L2HGDH: variants seen among roughly 807,000 people sequenced by gnomAD.
L2HGDH encodes the protein L-2-hydroxyglutarate dehydrogenase, mitochondrial.
A neutral mutation model predicts 51.5 loss-of-function variants in L2HGDH; 34 were observed. That is an observed-to-expected ratio of 0.66 (90% CI 0.50 to 0.88). L2HGDH has a LOEUF of 0.88. Among genes scored for constraint, L2HGDH ranks in the 40% least tolerant of loss-of-function variants. L2HGDH has a pLI of 0.00. For missense variants in L2HGDH, 558 were observed against 571.9 expected, an observed-to-expected ratio of 0.98 and a Z score of 0.25; for synonymous variants, 198 against 197.9, an observed-to-expected ratio of 1.00 and a Z score of -0.01.
intron 4 of L2HGDH, among the ~76,000 whole-genome samples, chr14:50,285,018 C>G (rs192235417): frequency 6.6e-6 from 1 of 152,292 alleles, no homozygotes. Flanking sequence ...GAGGCTGAGG[C>G]AGGCGGATCA....
rs1413761359 is a variant in L2HGDH, at chr14:50,283,989, A to G, written c.585T>C (p.Tyr195=). The G allele has an allele frequency of 6.2e-7, 1 of 1,614,208 alleles. No individual in the cohort carries two copies. Residue 195 remains tyrosine (Y), a synonymous_variant, in exon 5 of 10, where the codon TAT becomes TAC. Coordinates refer to ENST00000267436, the MANE Select transcript of L2HGDH (RefSeq NM_024884.3). The stretch of plus-strand genomic sequence containing the variant: ...GGGCAAATGACAAAGCCACCTGCCG[A>G]TAGTCCACAATGCCAGTATGTGGAC... The part of the protein sequence containing the change: ...IDCPHTGIVD[Y]RQVALSFAQD...
At chr14:50,282,416 C>T in intron 5 of L2HGDH, 3 of 455,668 alleles carry the variant, frequency 6.6e-6, no homozygotes, top group East Asian at 7.0e-5. Context: ...TTCTAACCAC[C>T]AATTTCTGGA....
At chr14:50,295,769 G>A (rs913856381) in intron 3 of L2HGDH, among the ~76,000 whole-genome samples, 3 of 124,504 alleles carry the variant, frequency 2.4e-5, no homozygotes, top group East Asian at 2.3e-4. Flanking sequence ...TTTTAATTTC[G>A]CTCTTGTCAC....
Position 50,304,141 on chromosome 14 carries a change from T to C in L2HGDH, c.141-1124A>G, listed in dbSNP as rs150696650. Among the ~76,000 whole-genome samples, 389 of 152,338 alleles carry C rather than the reference T, an allele frequency of 2.6e-3. 2 individuals are homozygous for C. In the Middle Eastern group the frequency reaches 0.061, roughly 24 times the overall value. Reference sequence around the variant, plus strand: ...CAAGCCTGTACAGCAGGTTACTATATTGAATACTGCAGGCAACTGTAACAC... The same window carrying C: ...CAAGCCTGTACAGCAGGTTACTATACTGAATACTGCAGGCAACTGTAACAC... On this transcript the variant is annotated intron_variant, in intron 1 of 9. Coordinates refer to ENST00000267436, the MANE Select transcript of L2HGDH (RefSeq NM_024884.3).
chr14:50,291,448 G>A (rs1196255237), intron 4 of L2HGDH, among the ~76,000 whole-genome samples: 2 of 152,074 alleles, frequency 1.3e-5, no homozygotes, highest in Non-Finnish European at 2.9e-5. Flanking sequence ...GGAGAGAAAT[G>A]GGAAGTAACA....
chr14:50,269,514 T>C (rs1566514617), intron 6 of L2HGDH, among the ~76,000 whole-genome samples, 184 bp from the exon 7 acceptor site: 2 of 152,174 alleles, frequency 1.3e-5, no homozygotes, highest in African/African-American at 2.4e-5. Flanking sequence ...AAACTTAGGA[T>C]AGTGGCATGT....
chr14:50,276,170 C>A (rs990722682), intron 6 of L2HGDH, among the ~76,000 whole-genome samples: 10 of 152,216 alleles, frequency 6.6e-5, no homozygotes, highest in Non-Finnish European at 1.5e-5. Flanking sequence ...TTACTGGAAA[C>A]TACCTCGACC....
Position 50,267,749 on chromosome 14 carries a change from T to A in L2HGDH, c.1064+4A>T. The stretch of plus-strand genomic sequence containing the variant: ...AAATCATTTTTAAAAATAAATAATG[T>A]TACCTATTGATAATTATATCCATAA... On this transcript the variant is annotated splice_donor_region_variant and intron_variant, in intron 8 of 9. Coordinates refer to ENST00000267436, the MANE Select transcript of L2HGDH (RefSeq NM_024884.3). The A allele has an allele frequency of 6.3e-7, 1 of 1,598,878 alleles. No individual in the cohort carries two copies. Among genetic ancestry groups the A allele is most frequent in the Non-Finnish European group, 8.6e-7 (1 of 1,166,608 alleles).
chr14:50,257,737 T>G (rs1888756218), intron 9 of L2HGDH, among the ~76,000 whole-genome samples: 1 of 151,846 alleles, frequency 6.6e-6, no homozygotes, highest in South Asian at 2.1e-4. Context: ...TTCCAACTAA[T>G]TTGCCTAGTT....
intron 9 of L2HGDH, among the ~76,000 whole-genome samples, chr14:50,258,073 TAAAA>T (rs3072729): frequency 3.5e-5 from 5 of 141,674 alleles, no homozygotes; most frequent in Non-Finnish European, 4.6e-5. Context: ...GTCAAAAAGT[TAAAA>T]AAAAAAAAAA....
intron 9 of L2HGDH, among the ~76,000 whole-genome samples, chr14:50,258,389 T>C (rs2139950159): frequency 6.6e-6 from 1 of 152,156 alleles, no homozygotes; most frequent in South Asian, 2.1e-4. Context: ...CTAATTGTTT[T>C]TTAAAAATAT....
intron 3 of L2HGDH, among the ~76,000 whole-genome samples, chr14:50,295,719 G>C (rs888001158): frequency 3.4e-5 from 5 of 148,032 alleles, no homozygotes; most frequent in Non-Finnish European, 7.4e-5. Flanking sequence ...ACTGAGTCCA[G>C]CCCTACAATT....
In L2HGDH at chr14:50,265,503, A is replaced by C. The variant is rs145656270; in HGVS notation, c.1065-14T>G. 5.8e-5 allele frequency: 94 copies of C among 1,608,972 alleles called. 1 individual carries two copies. In the African/African-American group the frequency reaches 1.0e-3, roughly 18 times the overall value. ...TTAATCAAGCCACTGAAAACAGAGA[A>C]AAAAAATCTTTATGAGAGAAAGGAA... On this transcript the variant is annotated splice_polypyrimidine_tract_variant and intron_variant, in intron 8 of 9. Coordinates refer to ENST00000267436, the MANE Select transcript of L2HGDH (RefSeq NM_024884.3).
chr14:50,278,406 T>G (rs1387692235), intron 6 of L2HGDH, 114 bp downstream of exon 6: 2 of 616,772 alleles, frequency 3.2e-6, no homozygotes, highest in Non-Finnish European at 5.3e-6. Context: ...TCTCTCAGAA[T>G]TACATTAGAC....
In L2HGDH at chr14:50,243,303, T is replaced by C; in HGVS notation, c.*3755A>G. On this transcript the variant is annotated 3_prime_UTR_variant, in exon 10 of 10. Transcript: ENST00000267436. ...TTAAAATCTAAAATGCTCCACTTTT[T>C]ACCCAAAATATAAATGACTCAACCT... 2 of 985,384 alleles carry C rather than the reference T, an allele frequency of 2.0e-6. No homozygotes were observed. The highest frequency in any genetic ancestry group is 2.4e-6 in the Non-Finnish European group (2 of 829,878). 61.0% of individuals were successfully genotyped at this position (985,384 alleles called of 1,614,324 possible).
At chr14:50,283,456 T>C (rs1890387794) in intron 5 of L2HGDH, among the ~76,000 whole-genome samples, 1 of 151,962 alleles carries the variant, frequency 6.6e-6, no homozygotes, top group Non-Finnish European at 1.5e-5. Flanking sequence ...CCTAGCTCCA[T>C]GTGGCCCTCC....
At chr14:50,278,498 A>G in intron 6 of L2HGDH, 22 bp downstream of exon 6, 1 of 1,453,322 alleles carries the variant, frequency 6.9e-7, no homozygotes, top group Non-Finnish European at 9.6e-7. Flanking sequence ...AGTAGCCAGC[A>G]GTTTTGCTTA....
At chr14:50,292,485 T>C (rs12586416) in intron 4 of L2HGDH, among the ~76,000 whole-genome samples, 58,034 of 152,080 alleles carry the variant, frequency 0.38, 11,980 homozygotes, top group East Asian at 0.65. Flanking sequence ...GGCTGGAGGA[T>C]CACCTGAGGT....
chr14:50,249,143 A>G (rs1888185654), intron 9 of L2HGDH, among the ~76,000 whole-genome samples: 1 of 152,214 alleles, frequency 6.6e-6, no homozygotes, highest in East Asian at 1.9e-4. Flanking sequence ...GGAAGCATCC[A>G]TCCCAGTGGT....
Sources: allele counts gnomAD v4.1 joint callset (sites outside exome capture counted in the v4.1 genomes callset), GRCh38; gene constraint gnomAD v4.1.1; transcripts MANE v1.5; gene names NCBI Gene and HGNC (gene_info 2026-07-23, HGNC 2026-07-21).